RMDN2: variants seen among roughly 807,000 people sequenced by gnomAD.
RMDN2 encodes regulator of microtubule dynamics 2.
A neutral mutation model predicts 52.8 loss-of-function variants in RMDN2; 61 were observed. The observed-to-expected ratio is 1.16, with a 90% CI of 0.94 to 1.43. The LOEUF (loss-of-function observed/expected upper bound fraction) is 1.43. RMDN2 is among the 40% of genes most tolerant of loss of function. The pLI is 0.00. For missense variants in RMDN2, 592 were observed against 475.3 expected, an observed-to-expected ratio of 1.25 and a Z score of -2.28; for synonymous variants, 180 against 153.1, an observed-to-expected ratio of 1.18 and a Z score of -1.30.
intron 2 of RMDN2, chr2:37,952,908 T>C (rs1388514083): frequency 6.6e-6 from 1 of 151,978 alleles, no homozygotes; most frequent in East Asian, 1.9e-4. Flanking sequence ...TAAAAATGAA[T>C]ATTTTTCATT....
intron 2 of RMDN2, among the ~76,000 whole-genome samples, chr2:37,938,070 A>G (rs752551080): frequency 6.6e-6 from 1 of 152,154 alleles, no homozygotes; most frequent in African/African-American, 2.4e-5. Context: ...TTCCATCAAT[A>G]CCTAGTTTAT....
intron 10 of RMDN2, among the ~76,000 whole-genome samples, chr2:38,028,423 T>A (rs897117813): frequency 1.3e-5 from 2 of 152,238 alleles, no homozygotes; most frequent in African/African-American, 4.8e-5. Context: ...TTTAATGTTA[T>A]TTTCTATTGA....
chr2:38,031,767 C>G (rs1453113311), intron 10 of RMDN2, among the ~76,000 whole-genome samples: 1 of 152,202 alleles, frequency 6.6e-6, no homozygotes, highest in Non-Finnish European at 1.5e-5. Context: ...CCTCCCTTCT[C>G]AGTTTCAAGG....
intron 10 of RMDN2, among the ~76,000 whole-genome samples, chr2:38,049,097 T>C (rs1681442473): frequency 6.6e-6 from 1 of 152,218 alleles, no homozygotes; most frequent in African/African-American, 2.4e-5. Context: ...TATAATCCCA[T>C]TTGTTTCCCA....
chr2:38,020,962 T>C (rs1257626234), downstream of RMDN2, among the ~76,000 whole-genome samples: 3 of 152,196 alleles, frequency 2.0e-5, no homozygotes, highest in Admixed American at 6.5e-5. Flanking sequence ...GGTGAAGCCA[T>C]CTGGGCTCCT....
chr2:37,962,027 G>C (rs947976761), intron 2 of RMDN2, among the ~76,000 whole-genome samples: 3 of 152,246 alleles, frequency 2.0e-5, no homozygotes, highest in Non-Finnish European at 4.4e-5. Flanking sequence ...AGAGGCTGCA[G>C]AACAGCAAAG....
downstream of RMDN2, among the ~76,000 whole-genome samples, chr2:38,018,786 A>G (rs1014810140): frequency 6.6e-6 from 1 of 152,186 alleles, no homozygotes; most frequent in Non-Finnish European, 1.5e-5. Flanking sequence ...GTGAGCTATA[A>G]AGATTCCCTG....
rs542704486 is a variant in RMDN2, at chr2:37,952,654, A to C, written c.453-21386A>C. The stretch of plus-strand genomic sequence containing the variant: ...TATTTTCATCAATTCACACATTTTC[A>C]TATATATCAGCCTTGCTAGCTATAT... On this transcript the variant is annotated intron_variant, in intron 2 of 10. Transcript: ENST00000354545. 182 of 179,824 alleles carry C rather than the reference A, an allele frequency of 1.0e-3. 1 individual carries two copies. Among genetic ancestry groups the C allele is most frequent in the African/African-American group, 4.1e-3 (176 of 42,812 alleles). The allele number at this position is 179,824 out of a possible 1,614,324, so 11.1% of individuals were successfully genotyped here.
chr2:37,945,038 A>T (rs1369554745), intron 2 of RMDN2, among the ~76,000 whole-genome samples: 1 of 152,198 alleles, frequency 6.6e-6, no homozygotes, highest in East Asian at 1.9e-4. Flanking sequence ...AAAGAATAGT[A>T]TCACTTGCAG....
At chr2:38,057,868 C>T (rs1038614973) in intron 10 of RMDN2, among the ~76,000 whole-genome samples, 4 of 152,206 alleles carry the variant, frequency 2.6e-5, no homozygotes, top group African/African-American at 7.2e-5. Flanking sequence ...TGTCAGTTTC[C>T]TGAGGCCTCC....
chr2:37,989,472 T>C (rs1572962373), intron 5 of RMDN2, 69 bp from the exon 6 acceptor site: 2 of 938,148 alleles, frequency 2.1e-6, no homozygotes, highest in Middle Eastern at 2.2e-4. Context: ...TTTAATGTTA[T>C]GTTTTGGTGG....
At chr2:38,057,718 C>G (rs993190945) in intron 10 of RMDN2, among the ~76,000 whole-genome samples, 1 of 152,108 alleles carries the variant, frequency 6.6e-6, no homozygotes, top group Non-Finnish European at 1.5e-5. Flanking sequence ...TGGTTCAGTA[C>G]CATCCCCCTT....
At chr2:37,945,620 A>T (rs1412691125) in intron 2 of RMDN2, among the ~76,000 whole-genome samples, 1 of 152,092 alleles carries the variant, frequency 6.6e-6, no homozygotes, top group African/African-American at 2.4e-5. Context: ...AAAGAAAAAG[A>T]CCCCAGTTCT....
chr2:38,035,514 A>G (rs762197546), intron 10 of RMDN2, among the ~76,000 whole-genome samples: 1 of 152,218 alleles, frequency 6.6e-6, no homozygotes, highest in Non-Finnish European at 1.5e-5. Context: ...AGGGGCAACA[A>G]TACCTACCAG....
chr2:38,003,319 G>A (rs1419870204), intron 8 of RMDN2, among the ~76,000 whole-genome samples: 2 of 152,122 alleles, frequency 1.3e-5, no homozygotes, highest in East Asian at 1.9e-4. Flanking sequence ...TTGGGAGGTC[G>A]AGGAGGGTGG....
intron 2 of RMDN2, 131 bp from the exon 3 acceptor site, chr2:37,973,909 T>C (rs1373811386): frequency 1.5e-6 from 1 of 679,202 alleles, no homozygotes; most frequent in Non-Finnish European, 2.5e-6. Flanking sequence ...GAGCTTTTTC[T>C]GAGTGAAAGC....
intron 8 of RMDN2, among the ~76,000 whole-genome samples, chr2:38,002,429 A>T (rs1230168286): frequency 6.6e-6 from 1 of 152,198 alleles, no homozygotes; most frequent in Non-Finnish European, 1.5e-5. Context: ...ATTGAAAATG[A>T]TGAAGTATAT....
At chr2:37,984,268 G>C (rs979738635) in intron 5 of RMDN2, among the ~76,000 whole-genome samples, 1 of 152,132 alleles carries the variant, frequency 6.6e-6, no homozygotes, top group Non-Finnish European at 1.5e-5. Context: ...AATACTCCTG[G>C]AATCAAGAGA....
Position 37,977,921 on chromosome 2 carries a change from C to T in RMDN2, c.730+2607C>T, listed in dbSNP as rs57538462. 9.5e-3 allele frequency among the ~76,000 whole-genome samples: 1,452 copies of T among 152,056 alleles called. 24 individuals are homozygous for T. The highest frequency in any genetic ancestry group is 0.033 in the African/African-American group (1,362 of 41,478). ...GCTCCTCACTTCCTAGATGGGGTGGCGGCCGGGCAGAGGCTGCAATCTCGA... is the reference window on the plus strand; with the variant it reads ...GCTCCTCACTTCCTAGATGGGGTGGTGGCCGGGCAGAGGCTGCAATCTCGA... On this transcript the variant is annotated intron_variant, in intron 4 of 10. Transcript: ENST00000354545.
Sources: allele counts gnomAD v4.1 joint callset (sites outside exome capture counted in the v4.1 genomes callset), GRCh38; gene constraint gnomAD v4.1.1; transcripts MANE v1.5; gene names NCBI Gene and HGNC (gene_info 2026-07-23, HGNC 2026-07-21).